The following CSMD3 variants were observed in gnomAD, a reference collection of about 807,000 sequenced individuals.
CSMD3 encodes CUB and sushi domain-containing protein 3.
A neutral mutation model predicts 435.2 loss-of-function variants in CSMD3; 177 were observed. That is an observed-to-expected ratio of 0.41 (90% CI 0.36 to 0.46). CSMD3 has a LOEUF of 0.46. Among genes scored for constraint, CSMD3 ranks in the 20% least tolerant of loss-of-function variants. The pLI, the probability that CSMD3 is intolerant of heterozygous loss-of-function variation, is 0.34. For synonymous variants in CSMD3, 1,656 were observed against 1,520.5 expected (o/e 1.09, Z -2.07); for missense variants, 4,265 against 4,504.6 (o/e 0.95, Z 1.52).
At chr8:112,629,727 T>A (rs1400487536) in intron 22 of CSMD3, among the ~76,000 whole-genome samples, 1 of 152,176 alleles carries the variant, frequency 6.6e-6, no homozygotes, top group East Asian at 1.9e-4. Context: ...AGACAGATGA[T>A]CTGGTCTTTC....
chr8:113,381,365 T>C (rs2094414447), intron 1 of CSMD3, among the ~76,000 whole-genome samples: 1 of 152,160 alleles, frequency 6.6e-6, no homozygotes, highest in Admixed American at 6.5e-5. Context: ...GAAACAGATC[T>C]AGGTTTTTAA....
chr8:112,659,239 T>C (rs1409791270), intron 17 of CSMD3, among the ~76,000 whole-genome samples: 1 of 152,164 alleles, frequency 6.6e-6, no homozygotes, highest in African/African-American at 2.4e-5. Context: ...AAAAATACAT[T>C]CTAATAACAA....
chr8:112,238,106 G>A (rs1361846353), intron 66 of CSMD3, among the ~76,000 whole-genome samples: 1 of 151,820 alleles, frequency 6.6e-6, no homozygotes, highest in Non-Finnish European at 1.5e-5. Context: ...ATATAAATTG[G>A]TTATGTCAAA....
intron 27 of CSMD3, among the ~76,000 whole-genome samples, chr8:112,541,293 T>C (rs1368214355): frequency 1.3e-5 from 2 of 151,674 alleles, no homozygotes; most frequent in African/African-American, 4.8e-5. Flanking sequence ...TATAAAAACA[T>C]AATAGAAAAT....
At chr8:112,875,650 A>T (rs2081261656) in intron 10 of CSMD3, among the ~76,000 whole-genome samples, 1 of 151,936 alleles carries the variant, frequency 6.6e-6, no homozygotes, top group Non-Finnish European at 1.5e-5. Context: ...TCTTGTCTTC[A>T]TGCTTTATTT....
At chr8:113,004,407 C>A (rs576531061) in intron 6 of CSMD3, among the ~76,000 whole-genome samples, 7 of 152,108 alleles carry the variant, frequency 4.6e-5, no homozygotes, top group Non-Finnish European at 7.4e-5. Context: ...GTCATCTACA[C>A]ACACAAAGGT....
chr8:112,351,111 C>T (rs1826097530), intron 40 of CSMD3, 64 bp downstream of exon 40: 1 of 1,006,156 alleles, frequency 9.9e-7, no homozygotes, highest in African/African-American at 1.6e-5. Context: ...CTTACAAATA[C>T]TTTATAGTCT....
At chr8:112,435,381 G>A (rs956746593) in intron 32 of CSMD3, among the ~76,000 whole-genome samples, 4 of 151,814 alleles carry the variant, frequency 2.6e-5, no homozygotes, top group African/African-American at 9.7e-5. Flanking sequence ...TGAGACAATT[G>A]ACACTTAGAA....
chr8:112,335,945 C>T lies in CSMD3; in HGVS notation c.7020-471G>A, dbSNP rs147770311. On this transcript the variant is annotated intron_variant, in intron 44 of 70. Coordinates refer to ENST00000297405, the MANE Select transcript of CSMD3 (RefSeq NM_198123.2). ...TTATTTATTTAGAGCCAGGGCCTCA[C>T]TCCGTTGCCCATGCTGGAGTGCAGT... 1.9e-3 allele frequency among the ~76,000 whole-genome samples: 296 copies of T among 152,218 alleles called. 1 individual carries two copies. The highest frequency in any genetic ancestry group is 1.9e-3 in the Non-Finnish European group (132 of 68,000).
intron 23 of CSMD3, among the ~76,000 whole-genome samples, chr8:112,582,655 T>C (rs1379878478): frequency 6.6e-6 from 1 of 151,968 alleles, no homozygotes; most frequent in East Asian, 1.9e-4. Context: ...GTCACTTTTG[T>C]TGTTGATTTG....
At chr8:112,279,444 T>C (rs1358387395) in intron 59 of CSMD3, among the ~76,000 whole-genome samples, 5 of 152,202 alleles carry the variant, frequency 3.3e-5, no homozygotes, top group African/African-American at 9.6e-5. Context: ...TAGCACCTGA[T>C]ACGGACATTT....
intron 6 of CSMD3, among the ~76,000 whole-genome samples, chr8:113,017,065 A>C (rs1477784192): frequency 6.6e-6 from 1 of 151,924 alleles, no homozygotes; most frequent in African/African-American, 2.4e-5. Flanking sequence ...TCAAAGCTTC[A>C]ATTTTCTTAA....
At chr8:112,286,888 A>C (rs1819261197) in intron 58 of CSMD3, among the ~76,000 whole-genome samples, 176 bp downstream of exon 58, 2 of 152,272 alleles carry the variant, frequency 1.3e-5, no homozygotes, top group South Asian at 2.1e-4. Context: ...TAAAAAAATT[A>C]TCGGTTATAG....
intron 40 of CSMD3, among the ~76,000 whole-genome samples, chr8:112,350,544 T>C (rs953399244): frequency 6.6e-6 from 1 of 152,008 alleles, no homozygotes; most frequent in Non-Finnish European, 1.5e-5. Context: ...GTTTTAAAGG[T>C]AGGGATCATA....
intron 6 of CSMD3, among the ~76,000 whole-genome samples, chr8:113,012,837 T>C (rs1024425246): frequency 4.6e-5 from 7 of 152,044 alleles, no homozygotes; most frequent in Admixed American, 4.6e-4. Flanking sequence ...CCAAAAGTTA[T>C]TGGTCTTCTC....
At chr8:113,153,952 G>C (rs72685879) in intron 4 of CSMD3, among the ~76,000 whole-genome samples, 10,109 of 151,986 alleles carry the variant, frequency 0.067, 442 homozygotes, top group Non-Finnish European at 0.095. Context: ...GCATGAGTCA[G>C]TTATCACACT....
At chr8:113,401,621 T>C (rs2094510523) in intron 1 of CSMD3, among the ~76,000 whole-genome samples, 1 of 151,678 alleles carries the variant, frequency 6.6e-6, no homozygotes, top group Non-Finnish European at 1.5e-5. Context: ...AGATATTTAC[T>C]TTTATGCTTC....
At chr8:112,462,119 T>C (rs1055031149) in intron 32 of CSMD3, among the ~76,000 whole-genome samples, 2 of 152,206 alleles carry the variant, frequency 1.3e-5, no homozygotes, top group Admixed American at 6.5e-5. Context: ...CAGTTCACCT[T>C]GTTTCCCACT....
chr8:112,562,907 A>G (rs546219274), intron 24 of CSMD3, among the ~76,000 whole-genome samples: 6 of 151,854 alleles, frequency 4.0e-5, no homozygotes, highest in South Asian at 4.1e-4. Flanking sequence ...TACTTTCCCA[A>G]TTTCCTTTTT....
Sources: gnomAD v4.1 joint callset for allele counts (sites outside exome capture counted in the v4.1 genomes callset) on GRCh38, gnomAD v4.1.1 for gene constraint, MANE v1.5 for transcripts, NCBI Gene and HGNC (gene_info 2026-07-23, HGNC 2026-07-21) for gene names.